MCPH1: variants seen among roughly 807,000 people sequenced by gnomAD.
MCPH1 encodes microcephalin.
Under a neutral mutation model 84.5 loss-of-function variants are expected in MCPH1, and 104 were observed. The observed-to-expected ratio is 1.23, with a 90% CI of 1.05 to 1.45. The LOEUF (loss-of-function observed/expected upper bound fraction) is 1.45. Ranked by LOEUF, MCPH1 falls within the 40% of genes most tolerant of loss-of-function variation. The pLI is 0.00. For synonymous variants in MCPH1, 514 were observed against 366.8 expected (o/e 1.40, Z -4.58); for missense variants, 1,498 against 1,005.7 (o/e 1.49, Z -6.62).
At chr8:6,642,703 C>A in intron 13 of MCPH1, 1 of 476,872 alleles carries the variant, frequency 2.1e-6, no homozygotes, top group South Asian at 2.1e-5. Context: ...CCACCCTGCC[C>A]ACTGAGTGTC....
At chr8:6,606,736 C>G (rs3933926) in intron 12 of MCPH1, among the ~76,000 whole-genome samples, 514 of 152,356 alleles carry the variant, frequency 3.4e-3, no homozygotes, top group Non-Finnish European at 5.5e-3. Context: ...CCACCCAAAT[C>G]TCATCTTGAG....
rs34105423 is a variant in MCPH1 at position 6,610,839 on chromosome 8, G to GA, written c.2215-10604dup. Among the ~76,000 whole-genome samples, 507 of 143,522 alleles carry GA rather than the reference G, an allele frequency of 3.5e-3. 2 individuals carry two copies. The highest frequency in any genetic ancestry group is 7.4e-3 in the African/African-American group (296 of 39,742). The allele number at this position is 143,522 out of a possible 152,430, so 94.2% of individuals were successfully genotyped here. On this transcript the variant is annotated intron_variant, in intron 12 of 13. Coordinates refer to ENST00000344683, the MANE Select transcript of MCPH1 (RefSeq NM_024596.5). ...ACATAAGACGCTGATTTTTCTTCCA[G>GA]AAAAAAAAAAACCTTTCTTGTTCTT...
chr8:6,633,179 C>A (rs531245547), intron 13 of MCPH1, among the ~76,000 whole-genome samples: 1 of 151,732 alleles, frequency 6.6e-6, no homozygotes, highest in African/African-American at 2.4e-5. Context: ...TACTCTTCAA[C>A]AGTGTTCTAT....
chr8:6,409,235 C>G (rs1798196467), intron 1 of MCPH1, 44 bp from the exon 2 acceptor site: 2 of 1,495,562 alleles, frequency 1.3e-6, no homozygotes. Context: ...GCAGGGGATG[C>G]TGGAATTTCA....
intron 12 of MCPH1, among the ~76,000 whole-genome samples, chr8:6,577,153 C>T (rs150475219): frequency 2.0e-3 from 305 of 152,314 alleles, no homozygotes; most frequent in African/African-American, 7.0e-3. Flanking sequence ...CAGCCCCGGG[C>T]AAAGGGAATC....
At chr8:6,484,439 G>C (rs1207043277) in intron 11 of MCPH1, among the ~76,000 whole-genome samples, 2 of 152,236 alleles carry the variant, frequency 1.3e-5, no homozygotes, top group Non-Finnish European at 2.9e-5. Flanking sequence ...TGGTGTGTGT[G>C]GGAAGTGGTC....
chr8:6,513,556 A>G lies in MCPH1; in HGVS notation c.2214+13627A>G, dbSNP rs552258457. The stretch of plus-strand genomic sequence containing the variant: ...CACTTTGTTTGCCAGGATGGTCTCA[A>G]TCTCCTGACCTCGTGATCTGCCCAC... On this transcript the variant is annotated intron_variant, in intron 12 of 13. Coordinates refer to ENST00000344683, the MANE Select transcript of MCPH1 (RefSeq NM_024596.5). The G allele has an allele frequency of 1.6e-4, 99 of 637,466 alleles. No individual in the cohort carries two copies. The African/African-American group carries it at 1.7e-3, about 11-fold the overall frequency. 39.5% of individuals were successfully genotyped at this position (637,466 alleles called of 1,614,324 possible). A position where few individuals can be genotyped will look rare whatever the true frequency, so the allele number is the denominator to read the frequency against.
At chr8:6,537,830 T>G (rs1257690040) in intron 12 of MCPH1, among the ~76,000 whole-genome samples, 22 of 152,146 alleles carry the variant, frequency 1.4e-4, no homozygotes, top group Non-Finnish European at 1.5e-4. Context: ...TATCCCCAAC[T>G]TGGAGATTCT....
intron 9 of MCPH1, among the ~76,000 whole-genome samples, chr8:6,463,184 G>A (rs1168402315): frequency 6.6e-6 from 1 of 152,192 alleles, no homozygotes; most frequent in Admixed American, 6.5e-5. Flanking sequence ...GTGAGATGTA[G>A]GCCATTAGCA....
At position 6,480,727 on chromosome 8, in the gene MCPH1, G is replaced by A. The variant is rs752602108; in HGVS notation, c.1987G>A (p.Val663Ile). Residue 663 changes from valine to isoleucine, a missense_variant, in exon 11 of 14, where the codon GTC becomes ATC. Physicochemically the swap from Val to Ile is conservative, Grantham distance 29. Coordinates refer to ENST00000344683, the MANE Select transcript of MCPH1 (RefSeq NM_024596.5). ...CCGATTTGACAGAAAGCAGAATGTC[G>A]TCATCCAGGTTGTGGATAAATTGAA... Reference protein sequence around the residue: ...TSMPSEKQNVVIQVVDKLKGF... With the variant: ...TSMPSEKQNVIIQVVDKLKGF... 10 of 1,614,056 alleles carry A rather than the reference G, an allele frequency of 6.2e-6. No individual in the cohort carries two copies. Among genetic ancestry groups the A allele is most frequent in the African/African-American group, 2.7e-5 (2 of 74,992 alleles).
At chr8:6,472,413 C>G (rs757584260) in intron 9 of MCPH1, among the ~76,000 whole-genome samples, 2 of 152,122 alleles carry the variant, frequency 1.3e-5, no homozygotes, top group African/African-American at 4.8e-5. Flanking sequence ...AAAGTAAAAG[C>G]ACAAATACTT....
In MCPH1 at chr8:6,646,427, A is replaced by C. The variant is rs1798218906; in HGVS notation, c.*3378A>C. ...GAATAGACATGTAAATCAAATAACA[A>C]AATAGAGAATTCAGGTATAAATCTT... On this transcript the variant is annotated 3_prime_UTR_variant, in exon 14 of 14. Coordinates refer to ENST00000344683, the MANE Select transcript of MCPH1 (RefSeq NM_024596.5). 1 of 152,238 alleles carries C rather than the reference A, an allele frequency of 6.6e-6. No individual in the cohort carries two copies. The highest frequency in any genetic ancestry group is 1.5e-5 in the Non-Finnish European group (1 of 68,046). 9.4% of individuals were successfully genotyped at this position (152,238 alleles called of 1,614,324 possible).
chr8:6,466,257 C>G (rs558446303), intron 9 of MCPH1, among the ~76,000 whole-genome samples: 1 of 151,816 alleles, frequency 6.6e-6, no homozygotes, highest in East Asian at 1.9e-4. Context: ...CTGCCTCAGC[C>G]TCCTGAGTAG....
At chr8:6,457,852 A>T (rs1260833630) in intron 9 of MCPH1, among the ~76,000 whole-genome samples, 1 of 152,122 alleles carries the variant, frequency 6.6e-6, no homozygotes, top group Non-Finnish European at 1.5e-5. Context: ...CTTTGCTTGA[A>T]TGAATCAAAA....
intron 12 of MCPH1, chr8:6,520,127 A>C (rs1009478658): frequency 5.2e-6 from 5 of 961,832 alleles, no homozygotes; most frequent in Non-Finnish European, 5.9e-6. Flanking sequence ...CCACTTTTTT[A>C]ACCTTTCTAG....
intron 3 of MCPH1, among the ~76,000 whole-genome samples, chr8:6,415,849 C>T (rs1327339931): frequency 1.3e-5 from 2 of 151,934 alleles, no homozygotes; most frequent in Non-Finnish European, 2.9e-5. Context: ...TATTCAAAAA[C>T]AAAAAAGGCA....
intron 12 of MCPH1, chr8:6,508,468 G>A (rs534133849): frequency 1.1e-5 from 2 of 182,668 alleles, no homozygotes; most frequent in Non-Finnish European, 2.2e-5. Flanking sequence ...ACTGGAGACT[G>A]TGTCTGTAAA....
At chr8:6,526,257 T>TAA (rs35519559) in intron 12 of MCPH1, among the ~76,000 whole-genome samples, 2,266 of 77,354 alleles carry the variant, frequency 0.029, 152 homozygotes, top group Middle Eastern at 0.059. Context: ...TTGCCTCTAC[T>TAA]AAAAAAAAAA....
intron 6 of MCPH1, 146 bp downstream of exon 6, chr8:6,439,242 A>T (rs1803129565): frequency 1.3e-6 from 1 of 792,464 alleles, no homozygotes; most frequent in Non-Finnish European, 2.0e-6. Flanking sequence ...TGTTTTCCAG[A>T]AAATCTTATG....
Sources: gnomAD v4.1 joint callset for allele counts (sites outside exome capture counted in the v4.1 genomes callset) on GRCh38, gnomAD v4.1.1 for gene constraint, MANE v1.5 for transcripts, NCBI Gene and HGNC (gene_info 2026-07-23, HGNC 2026-07-21) for gene names.